SFI1: variants seen among roughly 807,000 people sequenced by gnomAD.
The protein encoded by SFI1 is protein SFI1 homolog.
Under a neutral mutation model 207.5 loss-of-function variants are expected in SFI1, and 195 were observed. The observed-to-expected ratio is 0.94, with a 90% CI of 0.84 to 1.06. SFI1 has a LOEUF of 1.06. Among genes scored for constraint, SFI1 ranks in the 50% least tolerant of loss-of-function variants. SFI1 has a pLI of 0.00. For missense variants in SFI1, 1,634 were observed against 1,588.0 expected (o/e 1.03, Z -0.49); for synonymous variants, 630 against 598.9 (o/e 1.05, Z -0.76).
intron 7 of SFI1, chr22:31,559,802 C>T (rs1470970535): frequency 5.6e-6 from 4 of 715,716 alleles, no homozygotes; most frequent in African/African-American, 3.5e-5. Flanking sequence ...CAAGAAGCTC[C>T]GTGCAGATGT....
At chr22:31,611,069 C>G in intron 22 of SFI1, 74 bp from the exon 23 acceptor site, 1 of 1,597,372 alleles carries the variant, frequency 6.3e-7, no homozygotes, top group South Asian at 1.1e-5. Flanking sequence ...TCTCTGCTGT[C>G]TGCACCTTCA....
chr22:31,552,840 A>C (rs2060747131), intron 6 of SFI1, among the ~76,000 whole-genome samples: 1 of 151,244 alleles, frequency 6.6e-6, no homozygotes, highest in Non-Finnish European at 1.5e-5. Context: ...AACATCTGTT[A>C]TTAAACTTTT....
rs771638591 is a variant in SFI1, at chr22:31,589,435, C to G, written c.1414-12C>G. 1.3e-6 allele frequency: 2 copies of G among 1,584,876 alleles called. No individual in the cohort carries two copies. The highest frequency in any genetic ancestry group is 2.3e-5 in the South Asian group (2 of 85,554). ...AAGTTAAGTACAAAGGTTATTCATT[C>G]TTTTACTTTAGCTGCTACAGGCCAG... On this transcript the variant is annotated splice_polypyrimidine_tract_variant and intron_variant, in intron 14 of 32. Transcript: ENST00000400288.
intron 2 of SFI1, among the ~76,000 whole-genome samples, chr22:31,525,548 A>C (rs2057802545): frequency 6.6e-6 from 1 of 152,124 alleles, no homozygotes; most frequent in South Asian, 2.1e-4. Context: ...CGCATGTGGC[A>C]AAACCCCATC....
chr22:31,617,143 A>G (rs2147497128), intron 31 of SFI1, 65 bp downstream of exon 31: 2 of 1,569,058 alleles, frequency 1.3e-6, no homozygotes, highest in Non-Finnish European at 8.7e-7. Flanking sequence ...AGAGGTGGGC[A>G]GGCAGTTCCA....
chr22:31,504,686 C>T (rs1034756105), intron 1 of SFI1, among the ~76,000 whole-genome samples: 2 of 152,162 alleles, frequency 1.3e-5, no homozygotes, highest in African/African-American at 2.4e-5. Context: ...GTGTCATCCT[C>T]TCCCTGAAGG....
intron 15 of SFI1, among the ~76,000 whole-genome samples, chr22:31,595,703 G>A (rs182890544): frequency 3.9e-4 from 60 of 152,352 alleles, no homozygotes; most frequent in African/African-American, 1.3e-3. Context: ...GGGAGACTGA[G>A]CATGGAAGTA....
rs1354870225 is a variant in SFI1 at position 31,589,542 on chromosome 22, A to G, written c.1509A>G (p.Glu503=). 13 of 1,613,894 alleles carry G rather than the reference A, an allele frequency of 8.1e-6. No individual in the cohort carries two copies. Among genetic ancestry groups the G allele is most frequent in the African/African-American group, 1.3e-5 (1 of 74,914 alleles). ...WNRLWRWRHQ[E]NVLSARATRF... The stretch of plus-strand genomic sequence containing the variant: ...GACTCTGGCGATGGCGCCACCAGGA[A>G]AATGTCCTCAGTGCAAGAGCAACAC... The change falls in exon 15 of 33, where the codon GAA becomes GAG. Residue 503 remains glutamate, a synonymous_variant. Coordinates refer to ENST00000400288, the MANE Select transcript of SFI1 (RefSeq NM_001007467.3).
chr22:31,511,101 T>A (rs1021098820), intron 2 of SFI1, among the ~76,000 whole-genome samples: 10 of 152,168 alleles, frequency 6.6e-5, no homozygotes, highest in African/African-American at 2.4e-4. Flanking sequence ...GAGAGAGAAC[T>A]GTTTGAGACC....
At chr22:31,617,115 G>A (rs992638294) in intron 31 of SFI1, 37 bp downstream of exon 31, 4 of 1,610,024 alleles carry the variant, frequency 2.5e-6, no homozygotes, top group African/African-American at 1.3e-5. Flanking sequence ...CCTGGCTACA[G>A]GAGCAGGTGT....
At chr22:31,604,111 A>G (rs759192769) in intron 18 of SFI1, among the ~76,000 whole-genome samples, 198 bp from the exon 19 acceptor site, 3 of 152,218 alleles carry the variant, frequency 2.0e-5, no homozygotes, top group Non-Finnish European at 4.4e-5. Context: ...TTAAACTCAC[A>G]TTAATTGAGC....
At chr22:31,534,109 A>G (rs1017847471) in intron 4 of SFI1, among the ~76,000 whole-genome samples, 2 of 151,720 alleles carry the variant, frequency 1.3e-5, no homozygotes. Context: ...AAGCATTATT[A>G]CTCTCATTTT....
intron 2 of SFI1, 114 bp from the exon 3 acceptor site, chr22:31,528,576 A>C: frequency 1.1e-6 from 1 of 910,476 alleles, no homozygotes; most frequent in Non-Finnish European, 1.7e-6. Context: ...CAGCATAGGT[A>C]TTGTCAGTCT....
rs767837607 is a variant in SFI1, at chr22:31,602,732, G to T, written c.1752G>T (p.Arg584=). The T allele has an allele frequency of 1.6e-5, 26 of 1,614,138 alleles. No individual in the cohort carries two copies. The highest frequency in any genetic ancestry group is 2.2e-5 in the Non-Finnish European group (26 of 1,180,036). The change falls in exon 17 of 33, where the codon CGG becomes CGT. Residue 584 remains arginine (R), a synonymous_variant. Coordinates refer to ENST00000400288, the MANE Select transcript of SFI1 (RefSeq NM_001007467.3). ...TVACAHHRHG[R]LKKAFCLWRE... ...CCTGTGCCCACCACCGCCACGGGCGGCTCAAGAAAGCTTTCTGCCTCTGGA... is the reference window on the plus strand; with the variant it reads ...CCTGTGCCCACCACCGCCACGGGCGTCTCAAGAAAGCTTTCTGCCTCTGGA...
chr22:31,611,910 A>C lies in SFI1; in HGVS notation c.2490+70A>C. ...TCTGGCCTGTGAGGCCTGGGCAGTGAATGACCTTCAGCCTACACCTCTAGT... is the reference window on the plus strand; with the variant it reads ...TCTGGCCTGTGAGGCCTGGGCAGTGCATGACCTTCAGCCTACACCTCTAGT... On this transcript the variant is annotated intron_variant, in intron 24 of 32. Coordinates refer to ENST00000400288, the MANE Select transcript of SFI1 (RefSeq NM_001007467.3). The C allele has an allele frequency of 1.9e-6, 3 of 1,591,976 alleles. No homozygotes were observed. The South Asian group carries it at 3.4e-5, about 18-fold the overall frequency.
chr22:31,583,362 G>A (rs2064604776), intron 12 of SFI1, among the ~76,000 whole-genome samples: 1 of 152,174 alleles, frequency 6.6e-6, no homozygotes, highest in Non-Finnish European at 1.5e-5. Context: ...TGATCCACCC[G>A]CCTTGGCCTC....
chr22:31,602,150 G>C, intron 15 of SFI1, 62 bp from the exon 16 acceptor site: 4 of 1,387,978 alleles, frequency 2.9e-6, no homozygotes, highest in Non-Finnish European at 4.1e-6. Flanking sequence ...GGAACTTCTA[G>C]TTCTGTTTGG....
At position 31,604,296 on chromosome 22, in the gene SFI1, C is replaced by T. The variant is rs906766319; in HGVS notation, c.1882-13C>T. 1.8e-5 allele frequency: 28 copies of T among 1,561,602 alleles called. No homozygotes were observed. The African/African-American group carries it at 3.5e-4, about 20-fold the overall frequency. On this transcript the variant is annotated splice_polypyrimidine_tract_variant and intron_variant, in intron 18 of 32. Transcript: ENST00000400288. Reference sequence around the variant, plus strand: ...CCCCAGCCCACGGTAGCTGCTTTCTCCTCTGTCTGCAGTGCCTGGCCCTGC... The same window carrying T: ...CCCCAGCCCACGGTAGCTGCTTTCTTCTCTGTCTGCAGTGCCTGGCCCTGC...
Position 31,589,382 on chromosome 22 carries a change from C to A in SFI1, c.1414-65C>A, listed in dbSNP as rs1340305104. On this transcript the variant is annotated intron_variant, in intron 14 of 32. Coordinates refer to ENST00000400288, the MANE Select transcript of SFI1 (RefSeq NM_001007467.3). Reference sequence around the variant, plus strand: ...AAGCAATCCTCCCACAAGGGTGTGACCCTGAGAGGTCATGTTTAAAAAAAA... The same window carrying A: ...AAGCAATCCTCCCACAAGGGTGTGAACCTGAGAGGTCATGTTTAAAAAAAA... The A allele has an allele frequency of 1.1e-5, 16 of 1,396,448 alleles. No homozygotes were observed. The East Asian group carries it at 2.5e-4, about 22-fold the overall frequency. The allele number at this position is 1,396,448 out of a possible 1,614,324, so 86.5% of individuals were successfully genotyped here.
Sources: gnomAD v4.1 joint callset for allele counts (sites outside exome capture counted in the v4.1 genomes callset) on GRCh38, gnomAD v4.1.1 for gene constraint, MANE v1.5 for transcripts, NCBI Gene and HGNC (gene_info 2026-07-23, HGNC 2026-07-21) for gene names.